RBFOX1: variants seen among roughly 807,000 people sequenced by gnomAD.
RBFOX1 encodes RNA binding protein fox-1 homolog 1.
Under a neutral mutation model 57.7 loss-of-function variants are expected in RBFOX1, and 8 were observed. The observed-to-expected ratio is 0.14, with a 90% confidence interval of 0.08 to 0.25. RBFOX1 has a LOEUF of 0.25. Ranked by LOEUF, RBFOX1 falls within the 10% of genes least tolerant of loss-of-function variation. RBFOX1 has a pLI of 1.00. For synonymous variants in RBFOX1, 326 were observed against 222.4 expected (o/e 1.47, Z -4.15); for missense variants, 611 against 548.5 (o/e 1.11, Z -1.14).
chr16:5,495,236 G>GCA (rs1181948062), intron 2 of RBFOX1, among the ~76,000 whole-genome samples: 3 of 152,202 alleles, frequency 2.0e-5, no homozygotes, highest in Non-Finnish European at 4.4e-5. Flanking sequence ...CCACCTTGAA[G>GCA]CACAAAATAC....
intron 1 of RBFOX1, among the ~76,000 whole-genome samples, chr16:6,023,756 T>C (rs2095130661): frequency 6.6e-6 from 1 of 152,216 alleles, no homozygotes; most frequent in African/African-American, 2.4e-5. Flanking sequence ...AATCATCCTT[T>C]AATCTGTCGC....
chr16:5,295,428 A>G (rs2063642302), intron 1 of RBFOX1, among the ~76,000 whole-genome samples: 1 of 152,208 alleles, frequency 6.6e-6, no homozygotes, highest in Non-Finnish European at 1.5e-5. Context: ...TGGGTCAGGA[A>G]TCTAGGCGTG....
At chr16:6,909,687 A>C (rs1335302962) in intron 3 of RBFOX1, among the ~76,000 whole-genome samples, 1 of 152,202 alleles carries the variant, frequency 6.6e-6, no homozygotes, top group Admixed American at 6.5e-5. Context: ...CTATGTGCCT[A>C]ACACGTGGTA....
chr16:7,001,891 C>T (rs1404582112), intron 3 of RBFOX1, among the ~76,000 whole-genome samples: 2 of 152,020 alleles, frequency 1.3e-5, no homozygotes, highest in Non-Finnish European at 2.9e-5. Flanking sequence ...GGGGAGTCCC[C>T]ATAGTAAGCG....
chr16:7,704,754 A>T (rs942740081), intron 14 of RBFOX1, among the ~76,000 whole-genome samples: 2 of 152,186 alleles, frequency 1.3e-5, no homozygotes, highest in Middle Eastern at 6.3e-3. Flanking sequence ...GTGCCCTTAA[A>T]AATAAGAGCA....
At chr16:6,849,615 G>C (rs1025044806) in intron 3 of RBFOX1, among the ~76,000 whole-genome samples, 9 of 152,204 alleles carry the variant, frequency 5.9e-5, no homozygotes, top group African/African-American at 2.2e-4. Context: ...GTTTCAGTGA[G>C]CTGAGATTGT....
intron 3 of RBFOX1, among the ~76,000 whole-genome samples, chr16:6,854,698 C>T (rs1177529859): frequency 1.4e-5 from 2 of 145,790 alleles, no homozygotes; most frequent in Non-Finnish European, 3.0e-5. Flanking sequence ...GGGTTCAAGT[C>T]GTTCTCCTGC....
chr16:7,063,488 C>A (rs1329096954), intron 4 of RBFOX1, among the ~76,000 whole-genome samples: 3 of 152,152 alleles, frequency 2.0e-5, no homozygotes, highest in Non-Finnish European at 4.4e-5. Flanking sequence ...CTCAGCTCTA[C>A]CCCAGACCTA....
In RBFOX1 at chr16:7,134,819, GATA is replaced by G. The variant is rs537664680; in HGVS notation, c.27+82724_27+82726del. On this transcript the variant is annotated intron_variant, in intron 4 of 15. Transcript: ENST00000550418. The stretch of plus-strand genomic sequence containing the variant: ...ATGTTAAAGGAGTACATAGCATGCA[GATA>G]ATGTTTGTGATGGTTACAGTTTTAA... Among the ~76,000 whole-genome samples the G allele has an allele frequency of 1.2e-4, 19 of 152,312 alleles. No individual in the cohort carries two copies. The South Asian group carries it at 3.5e-3, about 28-fold the overall frequency.
chr16:5,817,301 A>G (rs1051377082), intron 3 of RBFOX1, among the ~76,000 whole-genome samples: 3 of 152,210 alleles, frequency 2.0e-5, no homozygotes, highest in African/African-American at 7.2e-5. Flanking sequence ...TCTTCTCCCC[A>G]GTTCCCCTCA....
intron 3 of RBFOX1, among the ~76,000 whole-genome samples, chr16:6,938,058 T>C (rs942417086): frequency 2.6e-5 from 4 of 151,872 alleles, no homozygotes; most frequent in Admixed American, 6.6e-5. Flanking sequence ...GTGATATGGA[T>C]ATCCCTCAGT....
intron 4 of RBFOX1, among the ~76,000 whole-genome samples, chr16:7,136,451 G>T (rs2072003701): frequency 6.9e-6 from 1 of 144,142 alleles, no homozygotes; most frequent in Admixed American, 7.1e-5. Flanking sequence ...CTGTTATCCA[G>T]GCTGGAGGGC....
At chr16:7,180,247 T>G (rs1029280278) in intron 4 of RBFOX1, among the ~76,000 whole-genome samples, 7 of 152,226 alleles carry the variant, frequency 4.6e-5, no homozygotes, top group Admixed American at 1.3e-4. Flanking sequence ...AAATGCGTTT[T>G]ACATATATTA....
At chr16:7,694,879 C>G (rs886145377) in intron 14 of RBFOX1, among the ~76,000 whole-genome samples, 2 of 152,134 alleles carry the variant, frequency 1.3e-5, no homozygotes, top group African/African-American at 2.4e-5. Context: ...CCTCAGTGCA[C>G]TAGAGCTTCT....
intron 12 of RBFOX1, among the ~76,000 whole-genome samples, chr16:7,659,103 A>G (rs1414208265): frequency 6.6e-6 from 1 of 152,168 alleles, no homozygotes; most frequent in Non-Finnish European, 1.5e-5. Context: ...GGTATCTCTG[A>G]GTAAGATTTT....
At chr16:6,487,825 A>T (rs2095540360) in intron 2 of RBFOX1, among the ~76,000 whole-genome samples, 1 of 147,992 alleles carries the variant, frequency 6.8e-6, no homozygotes, top group Non-Finnish European at 1.5e-5. Context: ...GGAATTCTAG[A>T]TTCATGTTTA....
At chr16:7,537,527 C>T (rs894834969) in intron 5 of RBFOX1, among the ~76,000 whole-genome samples, 1 of 152,218 alleles carries the variant, frequency 6.6e-6, no homozygotes, top group Non-Finnish European at 1.5e-5. Context: ...CACAACTTCA[C>T]ACTCTTTTTG....
chr16:7,136,815 A>G (rs1381567982), intron 4 of RBFOX1, among the ~76,000 whole-genome samples: 1 of 152,214 alleles, frequency 6.6e-6, no homozygotes, highest in Non-Finnish European at 1.5e-5. Context: ...CTGATATGGC[A>G]ACAAAAATCT....
At chr16:7,049,087 A>T (rs1353079052) in intron 3 of RBFOX1, among the ~76,000 whole-genome samples, 1 of 152,150 alleles carries the variant, frequency 6.6e-6, no homozygotes, top group Non-Finnish European at 1.5e-5. Context: ...GGAGTTTATA[A>T]AAATACTGTT....
Sources: allele counts gnomAD v4.1 joint callset (sites outside exome capture counted in the v4.1 genomes callset), GRCh38; gene constraint gnomAD v4.1.1; transcripts MANE v1.5; gene names NCBI Gene and HGNC (gene_info 2026-07-23, HGNC 2026-07-21).